The following RABGEF1 variants were observed in gnomAD, a reference collection of about 807,000 sequenced individuals.
The protein encoded by RABGEF1 is rab5 GDP/GTP exchange factor.
Under a neutral mutation model 57.3 loss-of-function variants are expected in RABGEF1, and 26 were observed. The observed-to-expected ratio is 0.45, with a 90% CI of 0.33 to 0.63. The LOEUF is 0.63. RABGEF1 is among the 20% of genes least tolerant of loss of function. The pLI, the probability that RABGEF1 is intolerant of heterozygous loss-of-function variation, is 0.02. For missense variants in RABGEF1, 464 were observed against 607.6 expected (o/e 0.76, Z 2.48); for synonymous variants, 185 against 210.7 (o/e 0.88, Z 1.06).
At chr7:66,667,857 G>A in the RABGEF1 span, among the ~76,000 whole-genome samples, 2 of 152,140 alleles carry the variant, frequency 1.3e-5, no homozygotes, top group African/African-American at 4.8e-5. Context: ...GAGTGCAATG[G>A]TGCAATCTCG....
chr7:66,762,830 G>A (rs1432620299), intron 1 of RABGEF1, among the ~76,000 whole-genome samples: 2 of 152,132 alleles, frequency 1.3e-5, no homozygotes, highest in Non-Finnish European at 2.9e-5. Flanking sequence ...ACAGAGGCTA[G>A]TGAAGGCCTC....
chr7:66,740,965 T>G (rs915801749), intron 1 of RABGEF1, among the ~76,000 whole-genome samples, 173 bp downstream of exon 1: 1 of 152,074 alleles, frequency 6.6e-6, no homozygotes, highest in Non-Finnish European at 1.5e-5. Context: ...TCCGTCTCCG[T>G]CAGCGCCGCC....
the RABGEF1 span, among the ~76,000 whole-genome samples, chr7:66,675,097 T>C: frequency 6.6e-6 from 1 of 152,146 alleles, no homozygotes; most frequent in South Asian, 2.1e-4. Context: ...GTGCCAGCGA[T>C]TTTCTAATCA....
intron 1 of RABGEF1, among the ~76,000 whole-genome samples, chr7:66,748,148 A>G (rs1800658651): frequency 6.6e-6 from 1 of 152,196 alleles, no homozygotes; most frequent in Non-Finnish European, 1.5e-5. Context: ...ATGCGTTTCA[A>G]AGGGCTGGGT....
At chr7:66,806,190 G>A (rs1788404495) in intron 8 of RABGEF1, among the ~76,000 whole-genome samples, 1 of 152,114 alleles carries the variant, frequency 6.6e-6, no homozygotes, top group East Asian at 1.9e-4. Flanking sequence ...GTGGGGAGGG[G>A]AAGCCAGGAT....
chr7:66,743,031 C>G (rs1249507763), intron 1 of RABGEF1, among the ~76,000 whole-genome samples: 1 of 152,140 alleles, frequency 6.6e-6, no homozygotes, highest in Non-Finnish European at 1.5e-5. Context: ...TCTCTCTGGC[C>G]AGGCGCGGTG....
At chr7:66,776,628 G>A (rs1808623366) in intron 3 of RABGEF1, among the ~76,000 whole-genome samples, 1 of 152,198 alleles carries the variant, frequency 6.6e-6, no homozygotes, top group South Asian at 2.1e-4. Flanking sequence ...CTAGGAGGAG[G>A]AGGTTGCAGT....
chr7:66,699,618 G>A (rs1184724045), intron 1 of RABGEF1, among the ~76,000 whole-genome samples: 1 of 152,104 alleles, frequency 6.6e-6, no homozygotes, highest in Admixed American at 6.6e-5. Context: ...CTTGAACCTG[G>A]GAAGAGGAGG....
chr7:66,727,804 G>A (rs988986409), intron 2 of RABGEF1, among the ~76,000 whole-genome samples: 1 of 152,194 alleles, frequency 6.6e-6, no homozygotes, highest in African/African-American at 2.4e-5. Context: ...GGGCCTGACA[G>A]GTCTGTGTTC....
intron 1 of RABGEF1, among the ~76,000 whole-genome samples, chr7:66,708,038 G>C (rs1023371391): frequency 1.3e-5 from 2 of 151,984 alleles, no homozygotes; most frequent in Non-Finnish European, 2.9e-5. Flanking sequence ...TTTAGTTAGA[G>C]ACTTTAACCC....
upstream of RABGEF1, among the ~76,000 whole-genome samples, chr7:66,678,557 TC>T (rs1225337826): frequency 1.1e-5 from 1 of 91,988 alleles, no homozygotes; most frequent in Non-Finnish European, 1.9e-5. Context: ...AGAGTGAGAG[TC>T]CGTCTCAAAA....
At chr7:66,772,219 CTTCTT>C (rs1298046070) in intron 2 of RABGEF1, 141 bp downstream of exon 2, 2 of 586,212 alleles carry the variant, frequency 3.4e-6, no homozygotes, top group South Asian at 6.8e-5. Context: ...GTTTTCCTCT[CTTCTT>C]CTCAGTCAGC....
At chr7:66,755,973 T>C (rs1802609899) in intron 1 of RABGEF1, 2 of 1,052,882 alleles carry the variant, frequency 1.9e-6, no homozygotes, top group Admixed American at 6.1e-5. Flanking sequence ...ACATTCATTT[T>C]GGAAGCATTA....
At chr7:66,726,092 C>G (rs1174489242) in intron 2 of RABGEF1, among the ~76,000 whole-genome samples, 2 of 151,724 alleles carry the variant, frequency 1.3e-5, no homozygotes, top group Non-Finnish European at 2.9e-5. Context: ...CTGCAGGAAG[C>G]TGCTACTCAG....
intron 1 of RABGEF1, among the ~76,000 whole-genome samples, chr7:66,759,789 G>A (rs990971039): frequency 1.3e-5 from 2 of 152,204 alleles, no homozygotes; most frequent in Admixed American, 6.5e-5. Context: ...CCCATGATCA[G>A]ATCACCTTTC....
chr7:66,697,669 G>C (rs1178305941), intron 1 of RABGEF1, among the ~76,000 whole-genome samples: 1 of 152,118 alleles, frequency 6.6e-6, no homozygotes, highest in Non-Finnish European at 1.5e-5. Context: ...TAGCAGGGCG[G>C]GGGTAGCTGG....
At chr7:66,788,446 AAAAAAAC>A (rs769079225) in intron 4 of RABGEF1, among the ~76,000 whole-genome samples, 7 of 151,016 alleles carry the variant, frequency 4.6e-5, no homozygotes, top group Admixed American at 1.3e-4. Context: ...TCCATCTCAA[AAAAAAAC>A]AAAAAACAAA....
chr7:66,686,429 G>A (rs1450659333), intron 1 of RABGEF1, among the ~76,000 whole-genome samples: 2 of 152,158 alleles, frequency 1.3e-5, no homozygotes, highest in Non-Finnish European at 2.9e-5. Flanking sequence ...CTGTGATCAA[G>A]CCACTGCACT....
intron 1 of RABGEF1, among the ~76,000 whole-genome samples, chr7:66,746,850 T>C (rs1800371412): frequency 1.3e-5 from 2 of 151,764 alleles, no homozygotes; most frequent in Admixed American, 1.3e-4. Flanking sequence ...TGGAGTGCAA[T>C]AGTGCGATCT....
Sources: allele counts gnomAD v4.1 joint callset (sites outside exome capture counted in the v4.1 genomes callset), GRCh38; gene constraint gnomAD v4.1.1; transcripts MANE v1.5; gene names NCBI Gene and HGNC (gene_info 2026-07-23, HGNC 2026-07-21).